Variants in GRIK1 observed in about 807,000 individuals in gnomAD.
GRIK1 encodes glutamate receptor ionotropic, kainate 1.
In GRIK1, 69 loss-of-function variants were observed where a neutral mutation model predicts 105.7. That is an observed-to-expected ratio of 0.65 (90% CI 0.54 to 0.80). GRIK1 has a LOEUF of 0.80. Among genes scored for constraint, GRIK1 ranks in the 30% least tolerant of loss-of-function variants. GRIK1 has a pLI of 0.00. For missense variants in GRIK1, 1,109 were observed against 1,167.3 expected (o/e 0.95, Z 0.73); for synonymous variants, 438 against 431.3 (o/e 1.02, Z -0.19).
chr21:29,717,097 TG>T (rs2064196780), intron 1 of GRIK1, among the ~76,000 whole-genome samples: 1 of 152,246 alleles, frequency 6.6e-6, no homozygotes. Flanking sequence ...TTGTTGAGGC[TG>T]TAGGTGCACA....
chr21:29,762,678 A>G (rs1465045089), intron 1 of GRIK1, among the ~76,000 whole-genome samples: 1 of 152,208 alleles, frequency 6.6e-6, no homozygotes, highest in Non-Finnish European at 1.5e-5. Flanking sequence ...TAAGAATTCT[A>G]GAGCTGTAGC....
At chr21:29,638,394 T>TC (rs1051491245) in intron 7 of GRIK1, among the ~76,000 whole-genome samples, 1 of 151,808 alleles carries the variant, frequency 6.6e-6, no homozygotes, top group African/African-American at 2.4e-5. Flanking sequence ...TCCAATCACC[T>TC]CCCTCCTTCA....
At chr21:29,734,738 C>A (rs2064743951) in intron 1 of GRIK1, among the ~76,000 whole-genome samples, 1 of 152,220 alleles carries the variant, frequency 6.6e-6, no homozygotes, top group South Asian at 2.1e-4. Context: ...CTTTCTTACT[C>A]AGAATTGAAC....
At chr21:29,651,545 T>C (rs1744029280) in intron 5 of GRIK1, among the ~76,000 whole-genome samples, 1 of 152,140 alleles carries the variant, frequency 6.6e-6, no homozygotes, top group African/African-American at 2.4e-5. Context: ...AGCTGTCCCA[T>C]GCTGTCCTGC....
chr21:29,749,160 T>C (rs2065117864), intron 1 of GRIK1: 1 of 152,252 alleles, frequency 6.6e-6, no homozygotes, highest in East Asian at 1.9e-4. Context: ...GTGGTACTTC[T>C]AACAGAGCTT....
At chr21:29,605,132 A>G (rs1244045932) in intron 7 of GRIK1, among the ~76,000 whole-genome samples, 1 of 152,182 alleles carries the variant, frequency 6.6e-6, no homozygotes, top group African/African-American at 2.4e-5. Flanking sequence ...AACGTGTGCC[A>G]TGGTGTTTTG....
chr21:29,925,316 G>A (rs1050646334), intron 1 of GRIK1, among the ~76,000 whole-genome samples: 5 of 152,058 alleles, frequency 3.3e-5, no homozygotes, highest in South Asian at 2.1e-4. Flanking sequence ...CAATTCAGCC[G>A]CAGATACAAT....
At chr21:29,549,981 G>A (rs1413033664) in intron 16 of GRIK1, among the ~76,000 whole-genome samples, 1 of 151,722 alleles carries the variant, frequency 6.6e-6, no homozygotes, top group Non-Finnish European at 1.5e-5. Context: ...GATGGTGCAC[G>A]CCTGCAATCC....
chr21:29,550,454 T>G (rs2090115600), intron 16 of GRIK1, among the ~76,000 whole-genome samples: 1 of 152,212 alleles, frequency 6.6e-6, no homozygotes, highest in Non-Finnish European at 1.5e-5. Flanking sequence ...AGTTTGTGCT[T>G]TAGCTTAGTG....
At chr21:29,719,241 A>T (rs985606688) in intron 1 of GRIK1, among the ~76,000 whole-genome samples, 2 of 151,574 alleles carry the variant, frequency 1.3e-5, no homozygotes, top group South Asian at 4.1e-4. Flanking sequence ...TTTTATCTAG[A>T]AAAAATACTT....
chr21:29,885,708 A>T (rs992999916), intron 1 of GRIK1, among the ~76,000 whole-genome samples: 4 of 152,108 alleles, frequency 2.6e-5, no homozygotes, highest in African/African-American at 9.6e-5. Context: ...TTTTTCTAAC[A>T]AGGAGGACTG....
chr21:29,585,176 G>A (rs995003309), intron 12 of GRIK1, among the ~76,000 whole-genome samples: 21 of 152,040 alleles, frequency 1.4e-4, no homozygotes, highest in East Asian at 9.6e-4. Context: ...TGATACTCTC[G>A]GTGAGTAGAA....
intron 1 of GRIK1, among the ~76,000 whole-genome samples, chr21:29,819,202 T>A (rs1287384105): frequency 6.6e-6 from 1 of 152,090 alleles, no homozygotes; most frequent in African/African-American, 2.4e-5. Context: ...TGGATGATGA[T>A]TATTTATTAG....
intron 1 of GRIK1, among the ~76,000 whole-genome samples, chr21:29,883,609 C>A (rs987199525): frequency 9.9e-5 from 15 of 151,970 alleles, no homozygotes; most frequent in Non-Finnish European, 2.1e-4. Flanking sequence ...TCTGTAGACA[C>A]ACTCAAGACA....
At chr21:29,687,399 T>C (rs960219796) in intron 3 of GRIK1, among the ~76,000 whole-genome samples, 5 of 152,202 alleles carry the variant, frequency 3.3e-5, no homozygotes, top group Non-Finnish European at 7.3e-5. Flanking sequence ...TCAAGCAGTA[T>C]AAAACCCACT....
chr21:29,634,878 G>T (rs907063019), intron 7 of GRIK1, among the ~76,000 whole-genome samples: 1 of 152,300 alleles, frequency 6.6e-6, no homozygotes, highest in East Asian at 1.9e-4. Flanking sequence ...GAACTGGATG[G>T]TGGACACAGG....
chr21:29,635,561 A>G (rs1279923902), intron 7 of GRIK1, among the ~76,000 whole-genome samples: 1 of 152,172 alleles, frequency 6.6e-6, no homozygotes, highest in African/African-American at 2.4e-5. Context: ...AAATGTGAGA[A>G]AGGCAAAGTG....
At chr21:29,722,705 A>C (rs2064353855) in intron 1 of GRIK1, among the ~76,000 whole-genome samples, 1 of 152,136 alleles carries the variant, frequency 6.6e-6, no homozygotes, top group African/African-American at 2.4e-5. Flanking sequence ...CATTATATAC[A>C]AATTATATGG....
At chr21:29,610,141 A>T (rs1192922159) in intron 7 of GRIK1, among the ~76,000 whole-genome samples, 2 of 152,206 alleles carry the variant, frequency 1.3e-5, no homozygotes, top group East Asian at 3.8e-4. Flanking sequence ...CAGGAAATCT[A>T]TCAGATGTTG....
Sources: allele counts gnomAD v4.1 joint callset (sites outside exome capture counted in the v4.1 genomes callset), GRCh38; gene constraint gnomAD v4.1.1; transcripts MANE v1.5; gene names NCBI Gene and HGNC (gene_info 2026-07-23, HGNC 2026-07-21).